CDYL2: variants seen among roughly 807,000 people sequenced by gnomAD.
The protein encoded by CDYL2 is chromodomain Y-like protein 2.
Under a neutral mutation model 49.4 loss-of-function variants are expected in CDYL2, and 23 were observed. That is an observed-to-expected ratio of 0.47 (90% confidence interval 0.34 to 0.66). The LOEUF (loss-of-function observed/expected upper bound fraction) is 0.66, where lower values mean the gene tolerates loss of function less well. CDYL2 is among the 30% of genes least tolerant of loss of function. CDYL2 has a pLI of 0.01. For missense variants in CDYL2, 678 were observed against 656.4 expected (o/e 1.03, Z -0.36); for synonymous variants, 360 against 268.8 (o/e 1.34, Z -3.32).
intron 1 of CDYL2, among the ~76,000 whole-genome samples, chr16:80,699,272 G>C (rs117858436): frequency 2.5e-3 from 378 of 152,260 alleles, no homozygotes; most frequent in Middle Eastern, 6.8e-3. Context: ...TCCATCAACA[G>C]ATGAATGGAT....
At chr16:80,675,164 A>AGTTGCC (rs1909691557) in intron 2 of CDYL2, among the ~76,000 whole-genome samples, 1 of 152,212 alleles carries the variant, frequency 6.6e-6, no homozygotes, top group African/African-American at 2.4e-5. Context: ...GCATCTGGGA[A>AGTTGCC]AGGTCTGTTG....
At chr16:80,621,108 A>G (rs1355423578) in intron 3 of CDYL2, among the ~76,000 whole-genome samples, 173 bp from the exon 4 acceptor site, 1 of 152,204 alleles carries the variant, frequency 6.6e-6, no homozygotes, top group Non-Finnish European at 1.5e-5. Context: ...GAGCAAGGAG[A>G]AAAACACTTA....
At chr16:80,695,448 TAAAG>T (rs1348968409) in intron 1 of CDYL2, among the ~76,000 whole-genome samples, 1 of 152,100 alleles carries the variant, frequency 6.6e-6, no homozygotes, top group African/African-American at 2.4e-5. Context: ...AGTTAAAAGA[TAAAG>T]AATGACTGAA....
intron 1 of CDYL2, among the ~76,000 whole-genome samples, chr16:80,712,858 T>C (rs1904667681): frequency 6.6e-6 from 1 of 152,234 alleles, no homozygotes; most frequent in Non-Finnish European, 1.5e-5. Flanking sequence ...TTATATCCCC[T>C]GGGTGTTGCA....
chr16:80,608,221 C>A lies in CDYL2; in HGVS notation c.1233G>T (p.Leu411=), dbSNP rs773537283. Residue 411 remains leucine, a synonymous_variant, in exon 6 of 7, where the codon CTG becomes CTT. Transcript: ENST00000570137. ...ILGVALANEM[L]FCGRKLTAQE... ...GGGCGGTGAGCTTCCGCCCACAGAA[C>A]AGCATCTCATTGGCCTGAAAAAGCA... The A allele has an allele frequency of 8.2e-6, 13 of 1,580,310 alleles. No individual in the cohort carries two copies. Among genetic ancestry groups the A allele is most frequent in the Non-Finnish European group, 1.1e-5 (13 of 1,162,248 alleles).
At chr16:80,693,907 C>G (rs145732419) in intron 1 of CDYL2, among the ~76,000 whole-genome samples, 1 of 152,202 alleles carries the variant, frequency 6.6e-6, no homozygotes, top group Admixed American at 6.5e-5. Flanking sequence ...CACTGTATTA[C>G]AGATGTATGA....
intron 1 of CDYL2, among the ~76,000 whole-genome samples, chr16:80,738,337 C>G (rs1905613313): frequency 6.6e-6 from 1 of 152,028 alleles, no homozygotes; most frequent in South Asian, 2.1e-4. Context: ...ACATGCGCAT[C>G]TGTCTTTATG....
At chr16:80,621,359 T>C (rs1238539577) in intron 3 of CDYL2, among the ~76,000 whole-genome samples, 3 of 152,276 alleles carry the variant, frequency 2.0e-5, no homozygotes, top group African/African-American at 7.2e-5. Flanking sequence ...TTAATTATTA[T>C]ACATCCTTGC....
In CDYL2 at chr16:80,603,731, C is replaced by G. The variant is rs542432445; in HGVS notation, c.*657G>C. ...TAGTAGTTTGTTTTTGCAAAACTAGCTTTACATATAATACACATAAATTAT... is the reference window on the plus strand; with the variant it reads ...TAGTAGTTTGTTTTTGCAAAACTAGGTTTACATATAATACACATAAATTAT... On this transcript the variant is annotated 3_prime_UTR_variant, in exon 7 of 7. Coordinates refer to ENST00000570137, the MANE Select transcript of CDYL2 (RefSeq NM_152342.4). 1 of 152,608 alleles carries G rather than the reference C, an allele frequency of 6.6e-6. No homozygotes were observed. The highest frequency in any genetic ancestry group is 1.9e-4 in the East Asian group (1 of 5,202). 9.5% of individuals were successfully genotyped at this position (152,608 alleles called of 1,614,324 possible).
intron 1 of CDYL2, among the ~76,000 whole-genome samples, chr16:80,768,745 G>A (rs371428582): frequency 3.3e-5 from 5 of 152,294 alleles, no homozygotes; most frequent in African/African-American, 7.2e-5. Flanking sequence ...TAACACCATG[G>A]AATTAGGTCG....
At chr16:80,794,330 C>T (rs57871162) in intron 1 of CDYL2, among the ~76,000 whole-genome samples, 16,221 of 152,120 alleles carry the variant, frequency 0.11, 2,023 homozygotes, top group African/African-American at 0.3. Context: ...AAAGTGTATT[C>T]GCTCATTTAA....
chr16:80,709,148 C>G (rs1347299419), intron 1 of CDYL2, among the ~76,000 whole-genome samples: 1 of 152,124 alleles, frequency 6.6e-6, no homozygotes, highest in Non-Finnish European at 1.5e-5. Flanking sequence ...CTTTGGGAGG[C>G]CGAGGTGGGC....
chr16:80,775,504 C>T (rs999170318), intron 1 of CDYL2, among the ~76,000 whole-genome samples: 1 of 151,592 alleles, frequency 6.6e-6, no homozygotes, highest in East Asian at 1.9e-4. Flanking sequence ...AAAAAAATAG[C>T]TTCAAATATG....
chr16:80,633,648 G>T (rs1907676765), intron 2 of CDYL2, among the ~76,000 whole-genome samples: 1 of 152,190 alleles, frequency 6.6e-6, no homozygotes, highest in Admixed American at 6.5e-5. Context: ...TATGTGCTAA[G>T]CACCACCCTC....
At chr16:80,729,562 G>A (rs1326067079) in intron 1 of CDYL2, among the ~76,000 whole-genome samples, 1 of 151,842 alleles carries the variant, frequency 6.6e-6, no homozygotes, top group Non-Finnish European at 1.5e-5. Flanking sequence ...AGTCAACAAG[G>A]ATACCCAGGA....
intron 2 of CDYL2, among the ~76,000 whole-genome samples, chr16:80,659,086 TGGATGGATGGATGGAC>T (rs1908931578): frequency 6.8e-6 from 1 of 146,456 alleles, no homozygotes; most frequent in African/African-American, 2.5e-5. Flanking sequence ...GATGGATGGA[TGGATGGATGGATGGAC>T]AGACGGATGG....
intron 1 of CDYL2, among the ~76,000 whole-genome samples, chr16:80,717,358 T>C (rs1187233057): frequency 3.3e-5 from 5 of 152,184 alleles, no homozygotes; most frequent in Non-Finnish European, 5.9e-5. Context: ...TTATTATTCT[T>C]ACAAAAAGAT....
chr16:80,739,989 T>C (rs889169432), intron 1 of CDYL2, among the ~76,000 whole-genome samples: 1 of 152,140 alleles, frequency 6.6e-6, no homozygotes, highest in Non-Finnish European at 1.5e-5. Context: ...CTGTCTTTGC[T>C]AGGGTCTTCC....
chr16:80,796,842 C>A (rs192118342), intron 1 of CDYL2, among the ~76,000 whole-genome samples: 1 of 152,202 alleles, frequency 6.6e-6, no homozygotes, highest in African/African-American at 2.4e-5. Flanking sequence ...CCTCATCACA[C>A]TGCAATCAAG....
Sources: gnomAD v4.1 joint callset for allele counts (sites outside exome capture counted in the v4.1 genomes callset) on GRCh38, gnomAD v4.1.1 for gene constraint, MANE v1.5 for transcripts, NCBI Gene and HGNC (gene_info 2026-07-23, HGNC 2026-07-21) for gene names.